Variants in SCIN observed in about 807,000 individuals in gnomAD.
The protein encoded by SCIN is scinderin.
In SCIN, 91 loss-of-function variants were observed where a neutral mutation model predicts 91.8. The observed-to-expected ratio is 0.99, with a 90% CI of 0.84 to 1.18. The LOEUF is 1.18. Among genes scored for constraint, SCIN ranks in the 50% most tolerant of loss-of-function variants. SCIN has a pLI of 0.00. For synonymous variants in SCIN, 367 were observed against 312.6 expected (o/e 1.17, Z -1.84); for missense variants, 1,087 against 863.9 (o/e 1.26, Z -3.24).
At position 12,612,593 on chromosome 7, in the gene SCIN, A is replaced by G. The variant is rs1401469263; in HGVS notation, c.666+7930A>G. Reference sequence around the variant, plus strand: ...GCCCCAAGTTGCGACGCTCTCTAGAACACTAGTGTTGCTCCAGCTATTTAG... The same window carrying G: ...GCCCCAAGTTGCGACGCTCTCTAGAGCACTAGTGTTGCTCCAGCTATTTAG... On this transcript the variant is annotated intron_variant, in intron 4 of 15. Coordinates refer to ENST00000297029, the MANE Select transcript of SCIN (RefSeq NM_001112706.3). Among the ~76,000 whole-genome samples, 4 of 152,142 alleles carry G rather than the reference A, an allele frequency of 2.6e-5. No homozygotes were observed. In the South Asian group the frequency reaches 6.2e-4, roughly 24 times the overall value.
At chr7:12,595,939 C>G (rs990927707) in intron 3 of SCIN, 1 of 159,982 alleles carries the variant, frequency 6.3e-6, no homozygotes, top group African/African-American at 2.4e-5. Flanking sequence ...CAATTCTTAC[C>G]TCCTCAGAAG....
Position 12,651,690 on chromosome 7 carries a change from T to C in SCIN, c.1960-151T>C. Reference sequence around the variant, plus strand: ...AGTGTGAACACTGGGAAAGTGATGGTACCTCTCTGGGCCACCACCTCCACG... The same window carrying C: ...AGTGTGAACACTGGGAAAGTGATGGCACCTCTCTGGGCCACCACCTCCACG... On this transcript the variant is annotated intron_variant, in intron 14 of 15. Coordinates refer to ENST00000297029, the MANE Select transcript of SCIN (RefSeq NM_001112706.3). This position sits in a 1 kb window ranked among gnomAD's most constrained non-coding sequence, Gnocchi z 5.9. The C allele has an allele frequency of 7.2e-6, 4 of 557,634 alleles. No individual in the cohort carries two copies. The highest frequency in any genetic ancestry group is 9.6e-6 in the Non-Finnish European group (3 of 313,098). The allele number at this position is 557,634 out of a possible 1,614,324, so 34.5% of individuals were successfully genotyped here. A position where few individuals can be genotyped will look rare whatever the true frequency, so the allele number is the denominator to read the frequency against.
At position 12,581,153 on chromosome 7, in the gene SCIN, G is replaced by A; in HGVS notation, c.448G>A (p.Ala150Thr). The A allele has an allele frequency of 6.4e-7, 1 of 1,551,526 alleles. No individual in the cohort carries two copies. The highest frequency in any genetic ancestry group is 8.7e-7 in the Non-Finnish European group (1 of 1,146,832). The change falls in exon 3 of 16, where the codon GCC becomes ACC. Residue 150 changes from alanine to threonine, a missense_variant. By Grantham distance (58) the Ala-to-Thr change is moderately conservative. Transcript: ENST00000297029. ...TGTGAAGGGTCGTAGAGTGGTGAGA[G>A]CCACAGAAGTTCCCCTTAGCTGGGA... ...LHVKGRRVVR[A>T]TEVPLSWDSF...
At chr7:12,627,046 T>C (rs1331072675) in intron 8 of SCIN, among the ~76,000 whole-genome samples, 2 of 151,592 alleles carry the variant, frequency 1.3e-5, no homozygotes, top group African/African-American at 2.4e-5. Context: ...GCCAAGATCA[T>C]AACACTGCAC....
In SCIN at chr7:12,617,618, G is replaced by T. The variant is rs78485911; in HGVS notation, c.667-5183G>T. Among the ~76,000 whole-genome samples, 302 of 152,248 alleles carry T rather than the reference G, an allele frequency of 2.0e-3. 3 individuals are homozygous for T. The highest frequency in any genetic ancestry group is 6.8e-3 in the African/African-American group (281 of 41,564). On this transcript the variant is annotated intron_variant, in intron 4 of 15. Transcript: ENST00000297029. ...AGGCCCTAATAATTTGTCCAGGGGA[G>T]ATGTGTTCTAACAAGCTAATGTGAA... is the stretch of plus-strand genomic sequence containing the variant.
intron 3 of SCIN, among the ~76,000 whole-genome samples, chr7:12,593,513 A>C (rs1406686226): frequency 6.6e-6 from 1 of 152,150 alleles, no homozygotes; most frequent in Non-Finnish European, 1.5e-5. Context: ...AAAGTATAAT[A>C]ATAATTAAAA....
At chr7:12,639,863 T>G (rs535450669) in intron 10 of SCIN, among the ~76,000 whole-genome samples, 3 of 152,310 alleles carry the variant, frequency 2.0e-5, no homozygotes, top group Non-Finnish European at 2.9e-5. Context: ...TGGGTATGAT[T>G]TGGGGTCATC....
chr7:12,598,625 G>C (rs548684393), intron 3 of SCIN, among the ~76,000 whole-genome samples: 1 of 152,266 alleles, frequency 6.6e-6, no homozygotes, highest in Admixed American at 6.5e-5. Flanking sequence ...TGGCACAGTG[G>C]CTCATGCCTG....
chr7:12,637,320 C>T (rs576266057), intron 10 of SCIN, among the ~76,000 whole-genome samples: 1 of 152,252 alleles, frequency 6.6e-6, no homozygotes, highest in South Asian at 2.1e-4. Context: ...ATGTTTTGCA[C>T]AAGTAAACAG....
At chr7:12,607,954 C>G (rs1010571423) in intron 4 of SCIN, among the ~76,000 whole-genome samples, 1 of 152,132 alleles carries the variant, frequency 6.6e-6, no homozygotes, top group African/African-American at 2.4e-5. Context: ...GAAATACGGC[C>G]TTTCCTCCAA....
Position 12,644,171 on chromosome 7 carries a change from G to T in SCIN, c.1615G>T (p.Asp539Tyr). The change falls in exon 12 of 16, where the codon GAT (aspartate) becomes TAT (tyrosine). Residue 539 changes from aspartate to tyrosine, a missense_variant. Transcript: ENST00000297029. ...TGATGCAAATTCACTGAATTCTAAC[G>T]ATGTTTTTGTCCTGAAACTGCCACA... Reference protein sequence around the residue: ...DVDANSLNSNDVFVLKLPQNS... With the variant: ...DVDANSLNSNYVFVLKLPQNS... 3 of 1,612,940 alleles carry T rather than the reference G, an allele frequency of 1.9e-6. No homozygotes were observed. The highest frequency in any genetic ancestry group is 2.5e-6 in the Non-Finnish European group (3 of 1,179,406).
chr7:12,628,028 C>CGTGTGTGTGTGTGTGT (rs1215262855), intron 8 of SCIN, among the ~76,000 whole-genome samples: 3 of 71,056 alleles, frequency 4.2e-5, no homozygotes, highest in African/African-American at 1.8e-4. Context: ...GGCAAGTGTG[C>CGTGTGTGTGTGTGTGT]GCGCGTGTGT....
chr7:12,596,190 T>G (rs1782837389), intron 3 of SCIN: 1 of 347,444 alleles, frequency 2.9e-6, no homozygotes, highest in Admixed American at 3.7e-5. Context: ...AGTGCCCTCC[T>G]TACCCTTGGG....
In SCIN at chr7:12,632,124, A is replaced by ATTT. The variant is rs1310388995; in HGVS notation, c.1319+2904_1319+2906dup. On this transcript the variant is annotated intron_variant, in intron 9 of 15. Transcript: ENST00000297029. Reference sequence around the variant, plus strand: ...ATTTTATTTTATTTTATTTTATTTTATTTTATTTTATTTTATTTTATTTTA... The same window carrying ATTT: ...ATTTTATTTTATTTTATTTTATTTTATTTTTTTATTTTATTTTATTTTATTTTA... Among the ~76,000 whole-genome samples the ATTT allele has an allele frequency of 2.0e-4, 28 of 142,114 alleles. 1 individual carries two copies. Among genetic ancestry groups the ATTT allele is most frequent in the African/African-American group, 7.7e-4 (27 of 34,984 alleles). The allele number at this position is 142,114 out of a possible 152,430, so 93.2% of individuals were successfully genotyped here.
At chr7:12,614,594 C>G (rs1783262238) in intron 4 of SCIN, among the ~76,000 whole-genome samples, 1 of 152,118 alleles carries the variant, frequency 6.6e-6, no homozygotes. Flanking sequence ...TAACAGGTGT[C>G]TTACTACAGT....
chr7:12,615,723 A>T (rs1398083449), intron 4 of SCIN, among the ~76,000 whole-genome samples: 1 of 152,040 alleles, frequency 6.6e-6, no homozygotes, highest in East Asian at 1.9e-4. Flanking sequence ...GAAAGAATAT[A>T]CATTTTCTTA....
At chr7:12,593,067 G>C (rs1782759915) in intron 3 of SCIN, among the ~76,000 whole-genome samples, 1 of 152,216 alleles carries the variant, frequency 6.6e-6, no homozygotes, top group African/African-American at 2.4e-5. Context: ...CTGCCCATCT[G>C]TTGAGAGGAC....
chr7:12,623,190 A>G lies in SCIN; in HGVS notation c.759+297A>G, dbSNP rs538844167. On this transcript the variant is annotated intron_variant, in intron 5 of 15. Coordinates refer to ENST00000297029, the MANE Select transcript of SCIN (RefSeq NM_001112706.3). ...CTTTTGATATATAATACTCAATACAATGTTTCCTTTATGGAGTAAAAATAT... is the reference window on the plus strand; with the variant it reads ...CTTTTGATATATAATACTCAATACAGTGTTTCCTTTATGGAGTAAAAATAT... 1.1e-4 allele frequency among the ~76,000 whole-genome samples: 16 copies of G among 152,296 alleles called. No homozygotes were observed. In the South Asian group the frequency reaches 3.1e-3, roughly 30 times the overall value.
At chr7:12,645,132 A>G (rs1464850029) in intron 13 of SCIN, among the ~76,000 whole-genome samples, 1 of 151,822 alleles carries the variant, frequency 6.6e-6, no homozygotes, top group East Asian at 1.9e-4. Context: ...CAGCCTGGCC[A>G]ATATGGTGAA....
Sources: allele counts gnomAD v4.1 joint callset (sites outside exome capture counted in the v4.1 genomes callset), GRCh38; gene constraint gnomAD v4.1.1; non-coding constraint Gnocchi (gnomAD v3.1); transcripts MANE v1.5; gene names NCBI Gene and HGNC (gene_info 2026-07-23, HGNC 2026-07-21).